The following TRPV4 variants were observed in gnomAD, a reference collection of about 807,000 sequenced individuals.
TRPV4 encodes transient receptor potential cation channel subfamily V member 4.
TRPV4 carries 58 observed loss-of-function variants against 84.1 expected under a neutral mutation model. The ratio of observed to expected loss-of-function variants is 0.69; its 90% confidence interval spans 0.56 to 0.86. The LOEUF (loss-of-function observed/expected upper bound fraction) is 0.86. Ranked by LOEUF, TRPV4 falls within the 40% of genes least tolerant of loss-of-function variation. The probability of loss-of-function intolerance (pLI) is 0.00; values close to 1 mark genes in which losing one functional copy is unlikely to be tolerated. For missense variants in TRPV4, 879 were observed against 1,181.1 expected (o/e 0.74, Z 3.75); for synonymous variants, 489 against 500.9 (o/e 0.98, Z 0.32).
At chr12:109,795,694 A>G (rs1053178526) in intron 7 of TRPV4, among the ~76,000 whole-genome samples, 1 of 152,178 alleles carries the variant, frequency 6.6e-6, no homozygotes, top group African/African-American at 2.4e-5. Flanking sequence ...GTACAGAACG[A>G]CGTTCACAAA....
At chr12:109,825,997 T>C (rs1448073766) in intron 1 of TRPV4, among the ~76,000 whole-genome samples, 1 of 152,226 alleles carries the variant, frequency 6.6e-6, no homozygotes, top group Non-Finnish European at 1.5e-5. Flanking sequence ...CTACCCTCCA[T>C]GGCACACTTC....
chr12:109,809,589 CCCAT>C (rs371105952), intron 2 of TRPV4, among the ~76,000 whole-genome samples: 52 of 149,792 alleles, frequency 3.5e-4, no homozygotes, highest in Admixed American at 1.3e-3. Context: ...CATCCACTCA[CCCAT>C]CCATCCATCC....
chr12:109,791,243 C>T (rs1203994844), intron 12 of TRPV4, among the ~76,000 whole-genome samples: 2 of 151,830 alleles, frequency 1.3e-5, no homozygotes, highest in African/African-American at 2.4e-5. Flanking sequence ...CTTAGCCATG[C>T]GTGGTGGCAC....
chr12:109,813,426 A>G (rs1891645998), intron 2 of TRPV4, among the ~76,000 whole-genome samples: 1 of 152,148 alleles, frequency 6.6e-6, no homozygotes, highest in Admixed American at 6.5e-5. Context: ...AGAAAAAAAA[A>G]GCAGATGAAT....
In TRPV4 at chr12:109,814,341, G is replaced by A. The variant is rs1891722364; in HGVS notation, c.386+70C>T. 2.6e-6 allele frequency: 4 copies of A among 1,542,218 alleles called. No individual in the cohort carries two copies. The highest frequency in any genetic ancestry group is 3.5e-6 in the Non-Finnish European group (4 of 1,128,828). On this transcript the variant is annotated intron_variant, in intron 2 of 15. Coordinates refer to ENST00000261740, the MANE Select transcript of TRPV4 (RefSeq NM_021625.5). This position sits in a 1 kb window ranked among gnomAD's most constrained non-coding sequence, Gnocchi z 5.4. Reference sequence around the variant, plus strand: ...GACGGATGGGTGGATAATAGATAGAGGGGTGGATGATGAATGGGTGAATGG... The same window carrying A: ...GACGGATGGGTGGATAATAGATAGAAGGGTGGATGATGAATGGGTGAATGG...
Position 109,793,457 on chromosome 12 carries a change from T to G in TRPV4, c.1658+70A>C. 1 of 1,336,640 alleles carries G rather than the reference T, an allele frequency of 7.5e-7. No individual in the cohort carries two copies. Among genetic ancestry groups the G allele is most frequent in the Non-Finnish European group, 1.1e-6 (1 of 928,400 alleles). The allele number at this position is 1,336,640 out of a possible 1,614,324, so 82.8% of individuals were successfully genotyped here. On this transcript the variant is annotated intron_variant, in intron 10 of 15. Transcript: ENST00000261740. This position sits in a 1 kb window ranked among gnomAD's most constrained non-coding sequence, Gnocchi z 4.0. The stretch of plus-strand genomic sequence containing the variant: ...CTAACAGAATCACCTCTCTCCTGAA[T>G]CTGGACGACCTAGCAGCCCAAACCC...
Position 109,796,594 on chromosome 12 carries a change from G to A in TRPV4, c.1263C>T (p.Leu421=), listed in dbSNP as rs1890416366. 1 of 1,614,204 alleles carries A rather than the reference G, an allele frequency of 6.2e-7. No homozygotes were observed. The highest frequency in any genetic ancestry group is 1.3e-5 in the African/African-American group (1 of 75,052). ...CTTCCCCACACGTGTCCAGGGAGGA[G>A]AGGTCATAAAGCGAGGAATACACTG... ...YGPVYSSLYD[L]SSLDTCGEEA... Residue 421 remains leucine, a synonymous_variant, in exon 7 of 16, where the codon CTC becomes CTT. Coordinates refer to ENST00000261740, the MANE Select transcript of TRPV4 (RefSeq NM_021625.5). The surrounding 1 kb of genome is among the most constrained non-coding windows in gnomAD (Gnocchi z 4.2).
intron 3 of TRPV4, among the ~76,000 whole-genome samples, chr12:109,803,592 T>C (rs1890946602): frequency 6.6e-6 from 1 of 151,336 alleles, no homozygotes; most frequent in South Asian, 2.1e-4. Flanking sequence ...CAGCTAAGAC[T>C]ACAGGTGTGC....
At chr12:109,789,726 G>A (rs1889916726) in intron 12 of TRPV4, among the ~76,000 whole-genome samples, 1 of 152,222 alleles carries the variant, frequency 6.6e-6, no homozygotes, top group African/African-American at 2.4e-5. Context: ...CCAGGGATTA[G>A]AGTATGCAGA....
rs753845613 is a variant in TRPV4, at chr12:109,786,368, C to T, written c.2336+342G>A. Among the ~76,000 whole-genome samples, 2 of 152,180 alleles carry T rather than the reference C, an allele frequency of 1.3e-5. No homozygotes were observed. Among genetic ancestry groups the T allele is most frequent in the Non-Finnish European group, 2.9e-5 (2 of 68,030 alleles). ...GATGCTCTAAAATGAACCCACCATC[C>T]AAGTCTCTGCTTCCCCCTGAGCAAG... On this transcript the variant is annotated intron_variant, in intron 14 of 15. Transcript: ENST00000261740. The surrounding 1 kb of genome is among the most constrained non-coding windows in gnomAD (Gnocchi z 4.5).
chr12:109,832,899 C>T (rs1428627339), intron 1 of TRPV4, among the ~76,000 whole-genome samples: 1 of 134,156 alleles, frequency 7.5e-6, no homozygotes, highest in African/African-American at 2.8e-5. Flanking sequence ...ACAGCCGTCT[C>T]TCCGGGACTC....
intron 7 of TRPV4, 65 bp from the exon 8 acceptor site, chr12:109,794,552 C>CT: frequency 6.4e-7 from 1 of 1,570,858 alleles, no homozygotes; most frequent in Non-Finnish European, 8.7e-7. Context: ...GGCAGGCTGC[C>CT]TCGGGTGTGC....
chr12:109,783,883 G>T lies in TRPV4; in HGVS notation c.2459-105C>A. On this transcript the variant is annotated intron_variant, in intron 15 of 15. Transcript: ENST00000261740. The surrounding 1 kb of genome is among the most constrained non-coding windows in gnomAD (Gnocchi z 4.6). ...TGGGCACTCCACAGTGTTCTGAAGG[G>T]GGGATGTGACTATGCTCATTTTACA... The T allele has an allele frequency of 7.3e-7, 1 of 1,362,222 alleles. No individual in the cohort carries two copies. Among genetic ancestry groups the T allele is most frequent in the Non-Finnish European group, 1.0e-6 (1 of 985,642 alleles). The allele number at this position is 1,362,222 out of a possible 1,614,324, so 84.4% of individuals were successfully genotyped here.
intron 12 of TRPV4, among the ~76,000 whole-genome samples, chr12:109,790,725 A>C (rs979432995): frequency 9.2e-5 from 14 of 151,902 alleles, no homozygotes; most frequent in Non-Finnish European, 1.9e-4. Context: ...CCACCAAAAA[A>C]AAAAAATGGA....
Position 109,814,776 on chromosome 12 carries a change from G to T in TRPV4, c.21C>A (p.Gly7=), listed in dbSNP as rs1346348514. The T allele has an allele frequency of 3.2e-6, 5 of 1,547,162 alleles. No individual in the cohort carries two copies. Among genetic ancestry groups the T allele is most frequent in the Non-Finnish European group, 3.5e-6 (4 of 1,149,384 alleles). MADSSE[G]PRAGPGEVAE... is the part of the protein sequence containing the mutation. Reference sequence around the variant, plus strand: ...CCACCTCCCCGGGCCCCGCGCGGGGGCCTTCGCTGGAATCCGCCATGCCTG... The same window carrying T: ...CCACCTCCCCGGGCCCCGCGCGGGGTCCTTCGCTGGAATCCGCCATGCCTG... The change falls in exon 2 of 16, where the codon GGC becomes GGA. Residue 7 remains glycine, a synonymous_variant. Transcript: ENST00000261740. The surrounding 1 kb of genome is among the most constrained non-coding windows in gnomAD (Gnocchi z 5.4).
At chr12:109,788,311 AGT>A in intron 13 of TRPV4, 87 bp downstream of exon 13, 1 of 1,277,550 alleles carries the variant, frequency 7.8e-7, no homozygotes, top group Non-Finnish European at 1.1e-6. Flanking sequence ...GCTTGCTCAG[AGT>A]GGAAGGCCGA....
chr12:109,792,172 G>A (rs1210947344), intron 12 of TRPV4, among the ~76,000 whole-genome samples, 191 bp downstream of exon 12: 1 of 151,316 alleles, frequency 6.6e-6, no homozygotes, highest in African/African-American at 2.4e-5. Flanking sequence ...GAACCTGGGA[G>A]GTGGAGGTTA....
intron 2 of TRPV4, among the ~76,000 whole-genome samples, chr12:109,812,561 C>T (rs1389149863): frequency 6.6e-6 from 1 of 151,988 alleles, no homozygotes; most frequent in Non-Finnish European, 1.5e-5. Flanking sequence ...ATAAATGAGT[C>T]AGTGACTAAG....
chr12:109,831,681 T>A (rs371805776), intron 1 of TRPV4, among the ~76,000 whole-genome samples: 12 of 152,184 alleles, frequency 7.9e-5, no homozygotes, highest in African/African-American at 2.6e-4. Flanking sequence ...GGTATCTGGG[T>A]TTCACCTGGG....
Sources: allele counts gnomAD v4.1 joint callset (sites outside exome capture counted in the v4.1 genomes callset), GRCh38; gene constraint gnomAD v4.1.1; non-coding constraint Gnocchi (gnomAD v3.1); transcripts MANE v1.5; gene names NCBI Gene and HGNC (gene_info 2026-07-23, HGNC 2026-07-21).